GRIK3: variants seen among roughly 807,000 people sequenced by gnomAD.
The protein encoded by GRIK3 is glutamate ionotropic receptor kainate type subunit 3.
In GRIK3, 29 loss-of-function variants were observed where a neutral mutation model predicts 102.5. The observed-to-expected ratio is 0.28, with a 90% CI of 0.21 to 0.39. GRIK3 has a LOEUF of 0.39. Ranked by LOEUF, GRIK3 falls within the 10% of genes least tolerant of loss-of-function variation. The pLI is 1.00. For synonymous variants in GRIK3, 511 were observed against 504.9 expected, an observed-to-expected ratio of 1.01 and a Z score of -0.16; for missense variants, 908 against 1,252.4, an observed-to-expected ratio of 0.73 and a Z score of 4.15.
chr1:37,008,627 C>T (rs1333327860), intron 1 of GRIK3, among the ~76,000 whole-genome samples: 1 of 152,206 alleles, frequency 6.6e-6, no homozygotes, highest in African/African-American at 2.4e-5. Flanking sequence ...GTGGGCAGGT[C>T]ACAGGGAGGG....
intron 1 of GRIK3, among the ~76,000 whole-genome samples, chr1:37,011,975 C>T (rs1022744146): frequency 1.3e-5 from 2 of 152,164 alleles, no homozygotes; most frequent in Admixed American, 1.3e-4. Context: ...ACCACCTCCC[C>T]CATGCCTTGG....
intron 1 of GRIK3, among the ~76,000 whole-genome samples, chr1:36,935,819 G>A (rs1035723439): frequency 1.3e-5 from 2 of 152,204 alleles, no homozygotes; most frequent in Non-Finnish European, 2.9e-5. Flanking sequence ...CCATTCCAGA[G>A]ACAGGCAGAG....
At chr1:36,972,164 C>A (rs903297570) in intron 1 of GRIK3, among the ~76,000 whole-genome samples, 20 of 152,224 alleles carry the variant, frequency 1.3e-4, no homozygotes, top group Non-Finnish European at 2.6e-4. Context: ...GCCACGTGCT[C>A]CGCATCCCAA....
intron 1 of GRIK3, among the ~76,000 whole-genome samples, chr1:36,940,852 C>T (rs938920505): frequency 1.3e-5 from 2 of 152,228 alleles, no homozygotes; most frequent in African/African-American, 4.8e-5. Flanking sequence ...AAGGGAGCAC[C>T]ACTGTTTGCT....
At chr1:36,954,956 T>C (rs1054519954) in intron 1 of GRIK3, among the ~76,000 whole-genome samples, 2 of 152,314 alleles carry the variant, frequency 1.3e-5, no homozygotes, top group African/African-American at 2.4e-5. Flanking sequence ...CACAGGTCCA[T>C]AGGAGCCCTG....
intron 2 of GRIK3, 147 bp from the exon 3 acceptor site, chr1:36,881,038 T>G: frequency 1.2e-6 from 1 of 811,444 alleles, no homozygotes; most frequent in Non-Finnish European, 1.9e-6. Context: ...TGAACCTCAG[T>G]TTCCTCATCT....
At chr1:36,811,650 T>C (rs1243060063) in intron 13 of GRIK3, among the ~76,000 whole-genome samples, 2 of 152,254 alleles carry the variant, frequency 1.3e-5, no homozygotes, top group Non-Finnish European at 1.5e-5. Context: ...TCCAGTGTGC[T>C]CCAGTTAAGT....
At chr1:36,844,012 A>G (rs1209813716) in intron 9 of GRIK3, among the ~76,000 whole-genome samples, 1 of 152,264 alleles carries the variant, frequency 6.6e-6, no homozygotes, top group East Asian at 1.9e-4. Context: ...CAGAGGTCCT[A>G]GGAGCAGATG....
intron 1 of GRIK3, among the ~76,000 whole-genome samples, chr1:37,005,447 T>G (rs910511036): frequency 6.6e-6 from 1 of 152,144 alleles, no homozygotes; most frequent in Admixed American, 6.5e-5. Flanking sequence ...TCAAGGGGTG[T>G]GTAGCCAAGT....
At chr1:36,965,686 C>G (rs556630102) in intron 1 of GRIK3, among the ~76,000 whole-genome samples, 1 of 152,292 alleles carries the variant, frequency 6.6e-6, no homozygotes, top group East Asian at 1.9e-4. Context: ...CTGAAAGATT[C>G]TGAGATAGTT....
intron 15 of GRIK3, among the ~76,000 whole-genome samples, chr1:36,803,683 C>A (rs1352161892): frequency 2.0e-5 from 3 of 152,186 alleles, no homozygotes; most frequent in African/African-American, 7.2e-5. Flanking sequence ...CCCGACTCGG[C>A]CTCCCAAAGT....
intron 13 of GRIK3, among the ~76,000 whole-genome samples, chr1:36,807,434 G>A (rs1642513773): frequency 6.6e-6 from 1 of 152,184 alleles, no homozygotes; most frequent in Non-Finnish European, 1.5e-5. Flanking sequence ...GAGCCCGGCT[G>A]GTTCCAAGTC....
At chr1:36,892,515 CAA>C (rs11375993) in intron 1 of GRIK3, among the ~76,000 whole-genome samples, 1 of 141,016 alleles carries the variant, frequency 7.1e-6, no homozygotes. Context: ...ATGACCAGCA[CAA>C]AAAAAAAAAA....
chr1:36,861,454 A>G (rs1276511853), intron 5 of GRIK3, among the ~76,000 whole-genome samples: 1 of 152,082 alleles, frequency 6.6e-6, no homozygotes, highest in Admixed American at 6.5e-5. Context: ...TGGTGCTGGG[A>G]AGGAGAGGCT....
rs991830339 is a variant in GRIK3, at chr1:36,798,972, A to T, written c.*2879T>A. ...CATATATGCATAGCCTCTGAAGAACATGCTCATGTAGCATCACACACACAA... is the reference window on the plus strand; with the variant it reads ...CATATATGCATAGCCTCTGAAGAACTTGCTCATGTAGCATCACACACACAA... On this transcript the variant is annotated 3_prime_UTR_variant, in exon 16 of 16. Transcript: ENST00000373091. The T allele has an allele frequency of 9.2e-5, 14 of 152,252 alleles. No individual in the cohort carries two copies. The highest frequency in any genetic ancestry group is 3.1e-4 in the African/African-American group (13 of 41,460). The allele number at this position is 152,252 out of a possible 1,614,324, so 9.4% of individuals were successfully genotyped here. A position where few individuals can be genotyped will look rare whatever the true frequency, so the allele number is the denominator to read the frequency against.
At chr1:36,852,200 C>A (rs1452665716) in intron 8 of GRIK3, among the ~76,000 whole-genome samples, 1 of 151,944 alleles carries the variant, frequency 6.6e-6, no homozygotes, top group African/African-American at 2.4e-5. Context: ...GAAATAATTA[C>A]AGAGTAATAG....
At chr1:37,030,395 G>A (rs1400762151) in intron 1 of GRIK3, among the ~76,000 whole-genome samples, 1 of 152,132 alleles carries the variant, frequency 6.6e-6, no homozygotes, top group Admixed American at 6.5e-5. Flanking sequence ...CTCTGAGGGA[G>A]GGGGTGTCTC....
At chr1:37,024,283 G>A (rs528350899) in intron 1 of GRIK3, among the ~76,000 whole-genome samples, 11 of 152,226 alleles carry the variant, frequency 7.2e-5, no homozygotes, top group African/African-American at 1.9e-4. Context: ...GAGCTCTAGT[G>A]TAGGACAGGG....
chr1:36,930,426 T>C (rs1434243450), intron 1 of GRIK3, among the ~76,000 whole-genome samples: 14 of 152,202 alleles, frequency 9.2e-5, no homozygotes, highest in Admixed American at 6.5e-4. Context: ...TGTGGAATCA[T>C]AAATCCTAAG....
Sources: gnomAD v4.1 joint callset for allele counts (sites outside exome capture counted in the v4.1 genomes callset) on GRCh38, gnomAD v4.1.1 for gene constraint, MANE v1.5 for transcripts, NCBI Gene and HGNC (gene_info 2026-07-23, HGNC 2026-07-21) for gene names.